Variants in CRHR2 observed in about 807,000 individuals in gnomAD.
CRHR2 encodes corticotropin releasing hormone receptor 2.
A neutral mutation model predicts 57.9 loss-of-function variants in CRHR2; 53 were observed. The ratio of observed to expected loss-of-function variants is 0.92; its 90% CI spans 0.73 to 1.15. The LOEUF (loss-of-function observed/expected upper bound fraction) is 1.15, where lower values mean the gene tolerates loss of function less well. Among genes scored for constraint, CRHR2 ranks in the 50% most tolerant of loss-of-function variants. CRHR2 has a pLI of 0.00. For synonymous variants in CRHR2, 213 were observed against 220.9 expected, an observed-to-expected ratio of 0.96 and a Z score of 0.32; for missense variants, 532 against 542.6, an observed-to-expected ratio of 0.98 and a Z score of 0.19.
chr7:30,678,288 C>G (rs112776615), intron 2 of CRHR2, among the ~76,000 whole-genome samples: 1 of 152,248 alleles, frequency 6.6e-6, no homozygotes, highest in Non-Finnish European at 1.5e-5. Flanking sequence ...TTGCTCCACA[C>G]CTCAGTTTCC....
intron 8 of CRHR2, 39 bp downstream of exon 8, chr7:30,660,534 T>A: frequency 6.5e-7 from 1 of 1,548,242 alleles, no homozygotes; most frequent in Non-Finnish European, 8.7e-7. Flanking sequence ...TCTGTCCTCT[T>A]GGCACCCAGC....
chr7:30,667,089 G>A (rs1784209428), intron 3 of CRHR2, 139 bp downstream of exon 3: 1 of 709,284 alleles, frequency 1.4e-6, no homozygotes, highest in African/African-American at 1.8e-5. Flanking sequence ...GCAGGACACT[G>A]GGGGCAGGGG....
chr7:30,687,096 C>A (rs1471964014), upstream of CRHR2, among the ~76,000 whole-genome samples: 1 of 151,824 alleles, frequency 6.6e-6, no homozygotes. Flanking sequence ...TTTCAGTTTT[C>A]TCACAGGTAT....
upstream of CRHR2, among the ~76,000 whole-genome samples, chr7:30,683,880 A>G (rs568470237): frequency 6.6e-6 from 1 of 152,314 alleles, no homozygotes; most frequent in Non-Finnish European, 1.5e-5. Flanking sequence ...ACCATGAACT[A>G]GCACCATGCC....
At chr7:30,692,980 A>AGAG (rs955152311) in intron 1 of CRHR2, among the ~76,000 whole-genome samples, 3 of 152,112 alleles carry the variant, frequency 2.0e-5, no homozygotes. Context: ...ACGGATGCTG[A>AGAG]GAGGGCCCCA....
intron 2 of CRHR2, among the ~76,000 whole-genome samples, chr7:30,681,681 G>T (rs1264873378): frequency 6.6e-6 from 1 of 152,184 alleles, no homozygotes; most frequent in Non-Finnish European, 1.5e-5. Context: ...GGCTGTCACC[G>T]CATGGAGCAC....
In CRHR2 at chr7:30,656,058, G is replaced by A. The variant is rs113822056; in HGVS notation, c.832-46C>T. ...GGAAAGAGGGAAAAGGAAGGAGCAC[G>A]TGTTTGAGATGAGCCGAGAGGCAGC... On this transcript the variant is annotated intron_variant, in intron 8 of 11. Transcript: ENST00000471646. This position sits in a 1 kb window ranked among gnomAD's most constrained non-coding sequence, Gnocchi z 4.4. The A allele has an allele frequency of 7.4e-5, 117 of 1,581,400 alleles. No homozygotes were observed. Among genetic ancestry groups the A allele is most frequent in the African/African-American group, 1.5e-4 (11 of 74,162 alleles).
intron 1 of CRHR2, among the ~76,000 whole-genome samples, chr7:30,690,345 G>A (rs930524374): frequency 6.6e-6 from 1 of 152,158 alleles, no homozygotes; most frequent in Non-Finnish European, 1.5e-5. Flanking sequence ...ATGACTGAAC[G>A]AGAGCAATTC....
chr7:30,680,818 TTGTGTG>T (rs60568949), intron 2 of CRHR2, among the ~76,000 whole-genome samples: 57,013 of 145,252 alleles, frequency 0.39, 12,884 homozygotes, highest in Middle Eastern at 0.53. Context: ...TTCTGAAAGC[TTGTGTG>T]TGTGTGTGTG....
At chr7:30,659,900 A>G (rs1394779997) in intron 8 of CRHR2, among the ~76,000 whole-genome samples, 2 of 152,086 alleles carry the variant, frequency 1.3e-5, no homozygotes, top group Non-Finnish European at 1.5e-5. Flanking sequence ...GTAAATGCCA[A>G]TTTCTTACGG....
At chr7:30,678,344 T>C (rs923953528) in intron 2 of CRHR2, among the ~76,000 whole-genome samples, 4 of 152,158 alleles carry the variant, frequency 2.6e-5, no homozygotes, top group African/African-American at 9.7e-5. Flanking sequence ...CACTCGATGG[T>C]GCAAGGATTA....
chr7:30,679,617 A>C (rs143825709), intron 2 of CRHR2, among the ~76,000 whole-genome samples: 25 of 152,272 alleles, frequency 1.6e-4, no homozygotes, highest in African/African-American at 5.8e-4. Context: ...CACCCGGGCG[A>C]TTCCTGCTCT....
intron 11 of CRHR2, 50 bp downstream of exon 11, chr7:30,654,989 G>A: frequency 5.0e-6 from 8 of 1,600,578 alleles, no homozygotes; most frequent in Non-Finnish European, 6.0e-6. Flanking sequence ...CCTGGAGTGG[G>A]GTCTGAGGAC....
At position 30,656,123 on chromosome 7, in the gene CRHR2, A is replaced by T; in HGVS notation, c.832-111T>A. ...ACCCCTGGAAACCGATGTCCCACGC[A>T]CACACCTATCCTACCTGTCCCCCTA... is the stretch of plus-strand genomic sequence containing the variant. On this transcript the variant is annotated intron_variant, in intron 8 of 11. Transcript: ENST00000471646. The surrounding 1 kb of genome is among the most constrained non-coding windows in gnomAD (Gnocchi z 4.4). 2.1e-6 allele frequency: 2 copies of T among 941,930 alleles called. No individual in the cohort carries two copies. Among genetic ancestry groups the T allele is most frequent in the Admixed American group, 3.6e-5 (2 of 55,292 alleles). 58.3% of individuals were successfully genotyped at this position (941,930 alleles called of 1,614,324 possible).
At chr7:30,661,801 T>C (rs565376453) in intron 7 of CRHR2, among the ~76,000 whole-genome samples, 1 of 152,300 alleles carries the variant, frequency 6.6e-6, no homozygotes, top group South Asian at 2.1e-4. Context: ...TAAATGCTCA[T>C]GGACAGCTCT....
At chr7:30,657,993 C>T (rs751172212) in intron 8 of CRHR2, among the ~76,000 whole-genome samples, 1 of 152,244 alleles carries the variant, frequency 6.6e-6, no homozygotes, top group Non-Finnish European at 1.5e-5. Context: ...TCTATCCATT[C>T]ATCTACCTAG....
At chr7:30,674,104 G>A (rs1784444624) in intron 2 of CRHR2, among the ~76,000 whole-genome samples, 1 of 152,204 alleles carries the variant, frequency 6.6e-6, no homozygotes, top group Non-Finnish European at 1.5e-5. Flanking sequence ...TTTCACTCAT[G>A]GTGCCCTGCC....
At chr7:30,666,979 A>G (rs1784206708) in intron 3 of CRHR2, among the ~76,000 whole-genome samples, 1 of 152,198 alleles carries the variant, frequency 6.6e-6, no homozygotes, top group Non-Finnish European at 1.5e-5. Flanking sequence ...TTTTTGTGTC[A>G]CATGCCACCT....
intron 5 of CRHR2, 114 bp from the exon 6 acceptor site, chr7:30,662,961 G>A: frequency 8.1e-7 from 1 of 1,234,084 alleles, no homozygotes. Context: ...TCGTGGACAT[G>A]CCATCAAATA....
Sources: gnomAD v4.1 joint callset for allele counts (sites outside exome capture counted in the v4.1 genomes callset) on GRCh38, gnomAD v4.1.1 for gene constraint, Gnocchi (gnomAD v3.1) non-coding constraint, MANE v1.5 for transcripts, NCBI Gene and HGNC (gene_info 2026-07-23, HGNC 2026-07-21) for gene names.